Variants in UFL1 observed in about 807,000 individuals in gnomAD.
The protein encoded by UFL1 is UFM1 specific ligase 1.
A neutral mutation model predicts 99.3 loss-of-function variants in UFL1; 78 were observed. The ratio of observed to expected loss-of-function variants is 0.79; its 90% CI spans 0.65 to 0.95. The LOEUF (loss-of-function observed/expected upper bound fraction) is 0.95. UFL1 is among the 40% of genes least tolerant of loss of function. The probability of loss-of-function intolerance (pLI) is 0.00; values close to 1 mark genes in which losing one functional copy is unlikely to be tolerated. For missense variants in UFL1, 936 were observed against 937.0 expected (o/e 1.00, Z 0.01); for synonymous variants, 335 against 322.2 (o/e 1.04, Z -0.42).
chr6:96,531,834 AAAT>A (rs1272167167), intron 6 of UFL1, among the ~76,000 whole-genome samples: 1 of 152,162 alleles, frequency 6.6e-6, no homozygotes, highest in Non-Finnish European at 1.5e-5. Context: ...AGGTACCATC[AAAT>A]AATGAGAGGA....
chr6:96,548,227 A>G lies in UFL1; in HGVS notation c.1466A>G (p.His489Arg), dbSNP rs1284804464. Reference protein sequence around the residue: ...QDEIEDFLRKHIQDAPEEFIS... With the variant: ...QDEIEDFLRKRIQDAPEEFIS... Reference sequence around the variant, plus strand: ...GAGATTGAAGATTTTTTAAGAAAACACATACAAGATGCCCCTGAGGAGTTT... The same window carrying G: ...GAGATTGAAGATTTTTTAAGAAAACGCATACAAGATGCCCCTGAGGAGTTT... Residue 489 changes from histidine to arginine, a missense_variant, in exon 13 of 19, where the codon CAC (histidine) becomes CGC (arginine). Transcript: ENST00000369278. 4 of 1,608,260 alleles carry G rather than the reference A, an allele frequency of 2.5e-6. No homozygotes were observed. Among genetic ancestry groups the G allele is most frequent in the Non-Finnish European group, 2.5e-6 (3 of 1,177,044 alleles).
At chr6:96,538,083 A>T (rs6916232) in intron 9 of UFL1, among the ~76,000 whole-genome samples, 23,662 of 151,712 alleles carry the variant, frequency 0.16, 2,025 homozygotes, top group Middle Eastern at 0.27. Flanking sequence ...TCTGTTTTGG[A>T]TATGAAAGTC....
At chr6:96,542,837 T>C (rs565392252) in intron 11 of UFL1, 57 bp from the exon 12 acceptor site, 2 of 1,457,212 alleles carry the variant, frequency 1.4e-6, no homozygotes, top group East Asian at 5.3e-5. Context: ...AGTGTCATTA[T>C]TTTATAAAAA....
In UFL1 at chr6:96,549,439, G is replaced by A. The variant is rs202012131; in HGVS notation, c.1548G>A (p.Val516=). 15 of 1,596,992 alleles carry A rather than the reference G, an allele frequency of 9.4e-6. No homozygotes were observed. In the East Asian group the frequency reaches 2.2e-4, roughly 24 times the overall value. The change falls in exon 14 of 19, where the codon GTG becomes GTA. Residue 516 remains valine (V), a synonymous_variant. Transcript: ENST00000369278. The part of the protein sequence containing the change: ...IKPLNKTYLE[V]VRSVFMSSTT... ...CTCTTAATAAAACTTATCTCGAGGTGGTACGTTCAGTATTCATGTCTTCAA... is the reference window on the plus strand; with the variant it reads ...CTCTTAATAAAACTTATCTCGAGGTAGTACGTTCAGTATTCATGTCTTCAA...
Position 96,551,793 on chromosome 6 carries a change from G to A in UFL1, c.1900-45G>A, listed in dbSNP as rs768122561. The A allele has an allele frequency of 1.0e-5, 13 of 1,254,788 alleles. No individual in the cohort carries two copies. The African/African-American group carries it at 1.7e-4, about 16-fold the overall frequency. The allele number at this position is 1,254,788 out of a possible 1,614,324, so 77.7% of individuals were successfully genotyped here. On this transcript the variant is annotated intron_variant, in intron 16 of 18. Coordinates refer to ENST00000369278, the MANE Select transcript of UFL1 (RefSeq NM_015323.5). ...TTGTTAAATGGCTATACTTCCTTATGCAGTTATATATAAAAGTAAATTATG... is the reference window on the plus strand; with the variant it reads ...TTGTTAAATGGCTATACTTCCTTATACAGTTATATATAAAAGTAAATTATG...
chr6:96,544,758 T>C (rs1466902749), intron 12 of UFL1, among the ~76,000 whole-genome samples: 1 of 151,088 alleles, frequency 6.6e-6, no homozygotes, highest in South Asian at 2.1e-4. Context: ...CCAGGTGTAC[T>C]AGGCATGTGG....
Position 96,525,202 on chromosome 6 carries a change from G to A in UFL1, c.253-95G>A, listed in dbSNP as rs115921202. On this transcript the variant is annotated intron_variant, in intron 3 of 18. Coordinates refer to ENST00000369278, the MANE Select transcript of UFL1 (RefSeq NM_015323.5). ...CAGGCATGAGCCACCATGCCTGGCC[G>A]GCAATTTCTTTAAAAATATAGTTCT... 4,022 of 980,668 alleles carry A rather than the reference G, an allele frequency of 4.1e-3. 93 individuals carry two copies. In the African/African-American group the frequency reaches 0.058, roughly 14 times the overall value. 60.7% of individuals were successfully genotyped at this position (980,668 alleles called of 1,614,324 possible). A position where few individuals can be genotyped will look rare whatever the true frequency, so the allele number is the denominator to read the frequency against.
rs1769617338 is a variant in UFL1, at chr6:96,521,940, G to A, written c.67G>A (p.Ala23Thr). 2.5e-6 allele frequency: 4 copies of A among 1,611,832 alleles called. No individual in the cohort carries two copies. The highest frequency in any genetic ancestry group is 2.5e-6 in the Non-Finnish European group (3 of 1,179,310). ...CTTCCAGCGGGCGCAGTTCGCCGAG[G>A]CCACGCAGAGGTGCCCGACCCTCCC... ...ADFQRAQFAE[A>T]TQRLSERNCI... is the part of the protein sequence containing the mutation. Residue 23 changes from alanine (A) to threonine (T), a missense_variant, in exon 1 of 19, where the codon GCC (alanine) becomes ACC (threonine). Physicochemically the swap from Ala to Thr is moderately conservative, Grantham distance 58 (BLOSUM62 0). Coordinates refer to ENST00000369278, the MANE Select transcript of UFL1 (RefSeq NM_015323.5).
At chr6:96,539,196 T>A (rs1444752945) in intron 10 of UFL1, among the ~76,000 whole-genome samples, 1 of 151,610 alleles carries the variant, frequency 6.6e-6, no homozygotes, top group African/African-American at 2.4e-5. Flanking sequence ...AGAGCCTCAA[T>A]AATTTTTCCT....
At chr6:96,551,659 G>A in intron 16 of UFL1, 146 bp downstream of exon 16, 1 of 726,958 alleles carries the variant, frequency 1.4e-6, no homozygotes, top group Non-Finnish European at 2.2e-6. Flanking sequence ...GAGAAGAGAA[G>A]ACCAAGCTGC....
chr6:96,537,394 C>T lies in UFL1; in HGVS notation c.823C>T (p.Leu275Phe), dbSNP rs768954009. The T allele has an allele frequency of 1.3e-6, 2 of 1,580,268 alleles. No individual in the cohort carries two copies. Among genetic ancestry groups the T allele is most frequent in the South Asian group, 1.2e-5 (1 of 85,424 alleles). ...GYLEFDALSR[L>F]GIPDAVSYIK... ...TGTAGAATTTGATGCTTTGTCCAGA[C>T]TTGGAATCCCAGATGCTGTAAGCTA... is the stretch of plus-strand genomic sequence containing the variant. Residue 275 changes from leucine (L) to phenylalanine (F), a missense_variant, in exon 9 of 19, where the codon CTT becomes TTT. Transcript: ENST00000369278.
In UFL1 at chr6:96,549,808, A is replaced by G. The variant is rs773168674; in HGVS notation, c.1818+9A>G. On this transcript the variant is annotated intron_variant, in intron 15 of 18. Transcript: ENST00000369278. The stretch of plus-strand genomic sequence containing the variant: ...CAGCCATTACAAGTGAAGTATGTTA[A>G]TGATCTCCCTACCACTATTGATGTG... 3.1e-6 allele frequency: 5 copies of G among 1,610,890 alleles called. No homozygotes were observed. The highest frequency in any genetic ancestry group is 4.5e-5 in the East Asian group (2 of 44,804).
chr6:96,544,982 G>A (rs1769980439), intron 12 of UFL1, among the ~76,000 whole-genome samples: 2 of 150,926 alleles, frequency 1.3e-5, no homozygotes, highest in Admixed American at 1.3e-4. Context: ...TGGGTTCTCA[G>A]CTAAAATATA....
At chr6:96,537,247 A>G (rs1382074274) in intron 8 of UFL1, 127 bp from the exon 9 acceptor site, 1 of 631,952 alleles carries the variant, frequency 1.6e-6, no homozygotes, top group African/African-American at 1.9e-5. Flanking sequence ...TTTGGGGTGG[A>G]GTTAGAGGAG....
intron 11 of UFL1, among the ~76,000 whole-genome samples, chr6:96,540,939 TTTTTGTTTTG>T (rs1027891163): frequency 9.2e-5 from 14 of 151,366 alleles, no homozygotes; most frequent in Non-Finnish European, 1.5e-4. Context: ...CAGTAGCCCT[TTTTTGTTTTG>T]TTTTGTTTTG....
rs1263626193 is a variant in UFL1 at position 96,521,851 on chromosome 6, C to T, written c.-23C>T. On this transcript the variant is annotated 5_prime_UTR_variant, in exon 1 of 19. Coordinates refer to ENST00000369278, the MANE Select transcript of UFL1 (RefSeq NM_015323.5). ...GGCTGACGTGTCTGCAGTTCCTCCG[C>T]GTCTACTGCGAGTCAGGCCGTGATG... 2 of 1,606,836 alleles carry T rather than the reference C, an allele frequency of 1.2e-6. No individual in the cohort carries two copies. Among genetic ancestry groups the T allele is most frequent in the Admixed American group, 1.7e-5 (1 of 59,458 alleles).
In UFL1 at chr6:96,552,601, T is replaced by C. The variant is rs1447894891; in HGVS notation, c.2105T>C (p.Leu702Pro). The C allele has an allele frequency of 1.2e-6, 2 of 1,613,014 alleles. No individual in the cohort carries two copies. ...TTTCAGTTTTCAACCCACAGCATGC[T>C]CCATGCACCTGGAAGATGTGTCCCA... is the stretch of plus-strand genomic sequence containing the variant. ...LLFQFSTHSM[L>P]HAPGRCVPQI... Residue 702 changes from leucine to proline, a missense_variant, in exon 18 of 19, where the codon CTC (leucine) becomes CCC (proline). Transcript: ENST00000369278.
At chr6:96,533,443 A>G (rs1000031366) in intron 6 of UFL1, among the ~76,000 whole-genome samples, 1 of 152,082 alleles carries the variant, frequency 6.6e-6, no homozygotes, top group Non-Finnish European at 1.5e-5. Flanking sequence ...CTACTGATGC[A>G]TGCTTCATCA....
At chr6:96,522,666 CTA>C (rs1769635668) in intron 1 of UFL1, among the ~76,000 whole-genome samples, 1 of 152,164 alleles carries the variant, frequency 6.6e-6, no homozygotes, top group Non-Finnish European at 1.5e-5. Flanking sequence ...GCATGGGTAA[CTA>C]ACGTGGGTAA....
Sources: gnomAD v4.1 joint callset for allele counts (sites outside exome capture counted in the v4.1 genomes callset) on GRCh38, gnomAD v4.1.1 for gene constraint, MANE v1.5 for transcripts, NCBI Gene and HGNC (gene_info 2026-07-23, HGNC 2026-07-21) for gene names.